Variants in ABCC4 observed in about 807,000 individuals in gnomAD.
ABCC4 encodes the protein ATP binding cassette subfamily C member 4 (PEL blood group), also known as ATP-binding cassette sub-family C member 4.
ABCC4 carries 102 observed loss-of-function variants against 168.5 expected under a neutral mutation model. The observed-to-expected ratio is 0.61, with a 90% CI of 0.52 to 0.71. The LOEUF is 0.71. ABCC4 is among the 30% of genes least tolerant of loss of function. ABCC4 has a pLI of 0.00. For synonymous variants in ABCC4, 617 were observed against 590.7 expected (o/e 1.04, Z -0.65); for missense variants, 1,402 against 1,605.8 (o/e 0.87, Z 2.17).
intron 21 of ABCC4, among the ~76,000 whole-genome samples, chr13:95,078,588 T>C (rs775909984): frequency 2.0e-4 from 30 of 152,196 alleles, no homozygotes; most frequent in Admixed American, 1.3e-4. Context: ...GGCTGGATGT[T>C]CTGCACAGGT....
intron 8 of ABCC4, among the ~76,000 whole-genome samples, chr13:95,200,920 A>T (rs2038606421): frequency 6.6e-6 from 1 of 152,130 alleles, no homozygotes; most frequent in Admixed American, 6.6e-5. Flanking sequence ...CAAACAAATA[A>T]ACAAAACAAA....
intron 3 of ABCC4, among the ~76,000 whole-genome samples, chr13:95,240,684 T>C (rs1257488811): frequency 6.6e-6 from 1 of 152,040 alleles, no homozygotes; most frequent in East Asian, 1.9e-4. Context: ...ATATTTTATA[T>C]TTTTGAAATG....
At chr13:95,186,607 A>T in intron 11 of ABCC4, 94 bp downstream of exon 11, 1 of 1,224,772 alleles carries the variant, frequency 8.2e-7, no homozygotes, top group South Asian at 1.6e-5. Context: ...AAAGGTCTTT[A>T]AAAATTAAAA....
At chr13:95,131,941 A>C (rs1009169141) in intron 19 of ABCC4, among the ~76,000 whole-genome samples, 2 of 152,126 alleles carry the variant, frequency 1.3e-5, no homozygotes, top group Non-Finnish European at 2.9e-5. Context: ...CAGCAATTCC[A>C]CCTCTACATA....
chr13:95,265,736 G>A (rs1366790892), intron 1 of ABCC4, among the ~76,000 whole-genome samples: 1 of 152,208 alleles, frequency 6.6e-6, no homozygotes. Flanking sequence ...GCACCTGTGG[G>A]CGTGTGTGTG....
chr13:95,209,655 C>T, intron 5 of ABCC4, 58 bp from the exon 6 acceptor site: 1 of 1,510,566 alleles, frequency 6.6e-7, no homozygotes, highest in Non-Finnish European at 9.0e-7. Flanking sequence ...CCAGTAAGAA[C>T]ACAGTACAGA....
intron 20 of ABCC4, among the ~76,000 whole-genome samples, chr13:95,097,031 A>G (rs1412279098): frequency 6.6e-6 from 1 of 152,208 alleles, no homozygotes; most frequent in Non-Finnish European, 1.5e-5. Context: ...GAAGTAAACA[A>G]TATGACAACA....
chr13:95,181,671 CAAGT>C (rs1454653142), intron 11 of ABCC4, among the ~76,000 whole-genome samples: 1 of 152,122 alleles, frequency 6.6e-6, no homozygotes, highest in East Asian at 1.9e-4. Flanking sequence ...GACAACCTGC[CAAGT>C]AAGTAGTGAC....
intron 4 of ABCC4, among the ~76,000 whole-genome samples, chr13:95,222,238 A>C (rs917968983): frequency 6.6e-6 from 1 of 152,226 alleles, no homozygotes; most frequent in Non-Finnish European, 1.5e-5. Flanking sequence ...TTCAACTAGC[A>C]GAGAGACTGG....
intron 30 of ABCC4, among the ~76,000 whole-genome samples, chr13:95,022,804 G>C (rs2139189824): frequency 6.6e-6 from 1 of 152,296 alleles, no homozygotes; most frequent in Non-Finnish European, 1.5e-5. Flanking sequence ...AAAGTGCTGA[G>C]ACACCTGCCT....
chr13:95,234,844 G>C lies in ABCC4; in HGVS notation c.307-10C>G. The C allele has an allele frequency of 6.6e-7, 1 of 1,515,138 alleles. No individual in the cohort carries two copies. Among genetic ancestry groups the C allele is most frequent in the Admixed American group, 2.2e-5 (1 of 45,546 alleles). The allele number at this position is 1,515,138 out of a possible 1,614,324, so 93.9% of individuals were successfully genotyped here. ...TTACTTTGGCACTTTCCTAAAAGAA[G>C]AAAAAGAAAAGCCTTTAATTAGACA... On this transcript the variant is annotated splice_polypyrimidine_tract_variant and intron_variant, in intron 3 of 30. Coordinates refer to ENST00000645237, the MANE Select transcript of ABCC4 (RefSeq NM_005845.5).
At chr13:95,059,495 A>G (rs2033204794) in intron 26 of ABCC4, among the ~76,000 whole-genome samples, 1 of 152,230 alleles carries the variant, frequency 6.6e-6, no homozygotes, top group Non-Finnish European at 1.5e-5. Context: ...TGCTCGCGAA[A>G]TGCAAAGCAT....
At chr13:95,219,498 C>A (rs1487474422) in intron 4 of ABCC4, among the ~76,000 whole-genome samples, 13 of 152,130 alleles carry the variant, frequency 8.5e-5, no homozygotes, top group Admixed American at 1.3e-4. Context: ...AAGAAAAAAA[C>A]CAAACTTCTG....
chr13:95,022,480 A>G (rs2031147756), intron 30 of ABCC4, among the ~76,000 whole-genome samples: 1 of 152,222 alleles, frequency 6.6e-6, no homozygotes, highest in Non-Finnish European at 1.5e-5. Context: ...TAGTAGCTGT[A>G]TCGTATCTTG....
chr13:95,172,764 C>T (rs2037522644), intron 13 of ABCC4, among the ~76,000 whole-genome samples: 1 of 149,144 alleles, frequency 6.7e-6, no homozygotes, highest in Non-Finnish European at 1.5e-5. Flanking sequence ...GATCCCATCT[C>T]TACAAAAAAA....
intron 19 of ABCC4, among the ~76,000 whole-genome samples, chr13:95,144,996 A>T (rs2036444466): frequency 6.6e-6 from 1 of 151,914 alleles, no homozygotes; most frequent in Non-Finnish European, 1.5e-5. Context: ...CAACTCCAGT[A>T]AAAAAAATGG....
chr13:95,132,407 G>A (rs932552412), intron 19 of ABCC4, among the ~76,000 whole-genome samples: 4 of 151,960 alleles, frequency 2.6e-5, no homozygotes, highest in African/African-American at 9.7e-5. Flanking sequence ...GTAGAGACAG[G>A]GTTTCACCAT....
At chr13:95,193,069 G>A (rs1430935820) in intron 9 of ABCC4, among the ~76,000 whole-genome samples, 1 of 152,220 alleles carries the variant, frequency 6.6e-6, no homozygotes, top group Non-Finnish European at 1.5e-5. Context: ...GGTAGAGATG[G>A]CAGAAATTAC....
chr13:95,167,813 C>T (rs573060319), intron 14 of ABCC4, among the ~76,000 whole-genome samples: 12 of 152,036 alleles, frequency 7.9e-5, no homozygotes, highest in Admixed American at 2.0e-4. Context: ...GGGGCTGGGT[C>T]GACAGCAAGA....
Sources: gnomAD v4.1 joint callset for allele counts (sites outside exome capture counted in the v4.1 genomes callset) on GRCh38, gnomAD v4.1.1 for gene constraint, MANE v1.5 for transcripts, NCBI Gene and HGNC (gene_info 2026-07-23, HGNC 2026-07-21) for gene names.